Variants in FBN1 observed in about 807,000 individuals in gnomAD.
FBN1 encodes the protein fibrillin-1.
FBN1 carries 29 observed loss-of-function variants against 365.1 expected under a neutral mutation model. The ratio of observed to expected loss-of-function variants is 0.08; its 90% confidence interval spans 0.06 to 0.11. The LOEUF (loss-of-function observed/expected upper bound fraction) is 0.11. Among genes scored for constraint, FBN1 ranks in the 10% least tolerant of loss-of-function variants. The pLI, the probability that FBN1 is intolerant of heterozygous loss-of-function variation, is 1.00. For synonymous variants in FBN1, 1,210 were observed against 1,270.5 expected, an observed-to-expected ratio of 0.95 and a Z score of 1.01; for missense variants, 2,476 against 3,703.2, an observed-to-expected ratio of 0.67 and a Z score of 8.60.
intron 22 of FBN1, among the ~76,000 whole-genome samples, chr15:48,494,585 T>C (rs1427372699): frequency 6.6e-6 from 1 of 152,238 alleles, no homozygotes; most frequent in East Asian, 1.9e-4. Context: ...AATCACACTA[T>C]AGAATTACTT....
At chr15:48,470,517 C>T in intron 36 of FBN1, 117 bp downstream of exon 36, 19 of 1,373,050 alleles carry the variant, frequency 1.4e-5, no homozygotes, top group Non-Finnish European at 1.8e-5. Context: ...ATTCTTAATA[C>T]TTCCCCCTTG....
chr15:48,634,838 C>CA (rs750793468), intron 2 of FBN1, among the ~76,000 whole-genome samples: 53 of 39,306 alleles, frequency 1.3e-3, no homozygotes, highest in South Asian at 7.6e-3. Flanking sequence ...AAGAAGAAAC[C>CA]AAAAAAAAAA....
At chr15:48,577,238 C>A (rs1566930711) in intron 6 of FBN1, among the ~76,000 whole-genome samples, 2 of 152,162 alleles carry the variant, frequency 1.3e-5, no homozygotes, top group Admixed American at 6.6e-5. Flanking sequence ...ATTTTCAGGT[C>A]TAGCCAGTAC....
At chr15:48,637,998 A>G (rs187056702) in intron 2 of FBN1, among the ~76,000 whole-genome samples, 1 of 152,258 alleles carries the variant, frequency 6.6e-6, no homozygotes, top group Admixed American at 6.5e-5. Flanking sequence ...ATTTTCAAAA[A>G]AAGTGAGCTT....
At chr15:48,541,187 G>A (rs2044055237) in intron 6 of FBN1, among the ~76,000 whole-genome samples, 1 of 151,796 alleles carries the variant, frequency 6.6e-6, no homozygotes, top group Admixed American at 6.6e-5. Flanking sequence ...ATAGAATCGA[G>A]ATGGTAGTTG....
chr15:48,445,095 G>C (rs1040288926), intron 48 of FBN1, among the ~76,000 whole-genome samples: 13 of 133,088 alleles, frequency 9.8e-5, no homozygotes, highest in African/African-American at 3.3e-4. Context: ...TTAAAATAAG[G>C]GAAAAAGTGA....
At chr15:48,554,491 C>T (rs1037350584) in intron 6 of FBN1, among the ~76,000 whole-genome samples, 1 of 152,062 alleles carries the variant, frequency 6.6e-6, no homozygotes, top group African/African-American at 2.4e-5. Context: ...ACCATGGTAA[C>T]ACAGAAGCAA....
chr15:48,564,663 A>G (rs2044246930), intron 6 of FBN1, among the ~76,000 whole-genome samples: 1 of 152,218 alleles, frequency 6.6e-6, no homozygotes, highest in Non-Finnish European at 1.5e-5. Flanking sequence ...AATAAATCCT[A>G]GTTTCTCACT....
intron 6 of FBN1, among the ~76,000 whole-genome samples, chr15:48,580,759 T>C (rs1189272178): frequency 6.6e-6 from 1 of 152,064 alleles, no homozygotes; most frequent in Non-Finnish European, 1.5e-5. Flanking sequence ...CTACCCAGAG[T>C]GATCCATTTT....
chr15:48,438,171 C>A (rs2043087647), intron 50 of FBN1, among the ~76,000 whole-genome samples: 1 of 152,074 alleles, frequency 6.6e-6, no homozygotes, highest in Non-Finnish European at 1.5e-5. Flanking sequence ...TTCAAAGTAA[C>A]CCGATGTGAA....
At chr15:48,561,155 A>T (rs990227510) in intron 6 of FBN1, among the ~76,000 whole-genome samples, 7 of 152,154 alleles carry the variant, frequency 4.6e-5, no homozygotes, top group Non-Finnish European at 8.8e-5. Context: ...AAGTGCTAAA[A>T]CAAAATGACT....
At chr15:48,505,463 G>C (rs993207026) in intron 15 of FBN1, among the ~76,000 whole-genome samples, 2 of 152,166 alleles carry the variant, frequency 1.3e-5, no homozygotes, top group African/African-American at 4.8e-5. Context: ...AAAGACAAAG[G>C]GTTTTGTGAA....
Position 48,610,717 on chromosome 15 carries a change from GT to G in FBN1, c.346+10del. 1 of 1,594,378 alleles carries G rather than the reference GT, an allele frequency of 6.3e-7. No individual in the cohort carries two copies. The highest frequency in any genetic ancestry group is 8.6e-7 in the Non-Finnish European group (1 of 1,162,308). Reference sequence around the variant, plus strand: ...AAAATAATATTATATATAATGACATGTTAGACTTACTGGATCTGGAGCCACA... The same window carrying G: ...AAAATAATATTATATATAATGACATGTAGACTTACTGGATCTGGAGCCACA... On this transcript the variant is annotated intron_variant, in intron 4 of 65. Transcript: ENST00000316623.
intron 2 of FBN1, among the ~76,000 whole-genome samples, chr15:48,627,647 C>T (rs951252787): frequency 1.3e-5 from 2 of 152,160 alleles, no homozygotes; most frequent in East Asian, 1.9e-4. Context: ...AAAAAAAACC[C>T]TCCAATTTCA....
intron 6 of FBN1, among the ~76,000 whole-genome samples, chr15:48,549,678 G>A (rs182494550): frequency 6.6e-6 from 1 of 152,134 alleles, no homozygotes; most frequent in African/African-American, 2.4e-5. Context: ...AGTGTCCATG[G>A]CTCAGAAAAG....
chr15:48,425,333 G>C (rs1489707445), intron 60 of FBN1, 36 bp downstream of exon 60: 1 of 1,613,976 alleles, frequency 6.2e-7, no homozygotes, highest in Admixed American at 1.7e-5. Flanking sequence ...CATGTGTCAG[G>C]AGCTAGGTGA....
intron 36 of FBN1, among the ~76,000 whole-genome samples, chr15:48,470,312 G>A (rs754688015): frequency 2.0e-5 from 3 of 152,012 alleles, no homozygotes; most frequent in Non-Finnish European, 4.4e-5. Flanking sequence ...CCTCCAAAAC[G>A]AAACTCTCCA....
At chr15:48,607,269 C>T (rs560397488) in intron 4 of FBN1, among the ~76,000 whole-genome samples, 1 of 150,620 alleles carries the variant, frequency 6.6e-6, no homozygotes, top group African/African-American at 2.4e-5. Flanking sequence ...ATAGAAAATA[C>T]AAAATTACAA....
intron 20 of FBN1, among the ~76,000 whole-genome samples, 195 bp downstream of exon 20, chr15:48,495,905 A>G (rs1418925811): frequency 6.6e-6 from 1 of 152,236 alleles, no homozygotes; most frequent in Non-Finnish European, 1.5e-5. Context: ...AATGATGGCA[A>G]TTAAAATGCC....
Sources: allele counts gnomAD v4.1 joint callset (sites outside exome capture counted in the v4.1 genomes callset), GRCh38; gene constraint gnomAD v4.1.1; transcripts MANE v1.5; gene names NCBI Gene and HGNC (gene_info 2026-07-23, HGNC 2026-07-21).